The following IER5L variants were observed in gnomAD, a reference collection of about 807,000 sequenced individuals.
The protein encoded by IER5L is immediate early response 5 like.
A neutral mutation model predicts 28.3 loss-of-function variants in IER5L; 6 were observed. The ratio of observed to expected loss-of-function variants is 0.21; its 90% confidence interval spans 0.12 to 0.42. The LOEUF is 0.42. IER5L is among the 10% of genes least tolerant of loss of function. The pLI, the probability that IER5L is intolerant of heterozygous loss-of-function variation, is 1.00. For missense variants in IER5L, 607 were observed against 575.2 expected (o/e 1.06, Z -0.56); for synonymous variants, 351 against 282.5 (o/e 1.24, Z -2.43).
chr9:129,176,818 C>T lies in IER5L; in HGVS notation c.*20G>A. 6.5e-7 allele frequency: 1 copy of T among 1,545,800 alleles called. No individual in the cohort carries two copies. The highest frequency in any genetic ancestry group is 8.7e-7 in the Non-Finnish European group (1 of 1,150,794). ...GCCCCAGCCCCGCGGGGCCCCGGGT[C>T]CCTGTGCCCTCGGGGGTCCCTAGAA... On this transcript the variant is annotated 3_prime_UTR_variant, in exon 1 of 1. Transcript: ENST00000372491.
At position 129,177,153 on chromosome 9, in the gene IER5L, G is replaced by T; in HGVS notation, c.900C>A (p.Cys300Ter). 1 of 1,467,422 alleles carries T rather than the reference G, an allele frequency of 6.8e-7. No homozygotes were observed. 90.9% of individuals were successfully genotyped at this position (1,467,422 alleles called of 1,614,324 possible). A position where few individuals can be genotyped will look rare whatever the true frequency, so the allele number is the denominator to read the frequency against. Reference protein sequence around the residue: ...PGPGLASAAGCKRKYYPGQEE... With the variant: ...PGPGLASAAG Reference sequence around the variant, plus strand: ...CCTGGCCAGGGTAATACTTGCGCTTGCAGCCGGCGGCGGACGCCAGGCCCG... The same window carrying T: ...CCTGGCCAGGGTAATACTTGCGCTTTCAGCCGGCGGCGGACGCCAGGCCCG... The change falls in exon 1 of 1, where the codon TGC becomes TGA. Residue 300 changes from cysteine (C) to a stop codon, truncating the protein, a stop_gained. Coordinates refer to ENST00000372491, the MANE Select transcript of IER5L (RefSeq NM_203434.3). LOFTEE classifies it high-confidence loss of function.
At position 129,177,207 on chromosome 9, in the gene IER5L, G is replaced by A. The variant is rs756047188; in HGVS notation, c.846C>T (p.Cys282=). The change falls in exon 1 of 1, where the codon TGC becomes TGT. Residue 282 remains cysteine, a synonymous_variant. Coordinates refer to ENST00000372491, the MANE Select transcript of IER5L (RefSeq NM_203434.3). ...CCGGAGCGCCCTGGCCACAGCAGGG[G>A]CAGTGGGCGGAGGCGCAGCAGTCCT... ...LHQDCCASAH[C]PCCGQGAPGP... 8.1e-6 allele frequency: 12 copies of A among 1,475,102 alleles called. No individual in the cohort carries two copies. The highest frequency in any genetic ancestry group is 8.0e-6 in the Non-Finnish European group (9 of 1,120,900). The allele number at this position is 1,475,102 out of a possible 1,614,324, so 91.4% of individuals were successfully genotyped here. A position where few individuals can be genotyped will look rare whatever the true frequency, so the allele number is the denominator to read the frequency against.
chr9:129,177,603 C>T lies in IER5L; in HGVS notation c.450G>A (p.Ala150=), dbSNP rs2131662916. The change falls in exon 1 of 1, where the codon GCG becomes GCA. Residue 150 remains alanine, a synonymous_variant. Coordinates refer to ENST00000372491, the MANE Select transcript of IER5L (RefSeq NM_203434.3). ...AAAAGAPAGG[A]GALSELPGCA... The stretch of plus-strand genomic sequence containing the variant: ...ACCCGGGCAGCTCCGAGAGCGCCCC[C>T]GCGCCGCCCGCGGGCGCTCCGGCCG... 4 of 1,031,554 alleles carry T rather than the reference C, an allele frequency of 3.9e-6. No homozygotes were observed. Among genetic ancestry groups the T allele is most frequent in the Non-Finnish European group, 4.6e-6 (4 of 867,400 alleles). The allele number at this position is 1,031,554 out of a possible 1,614,324, so 63.9% of individuals were successfully genotyped here.
Position 129,177,500 on chromosome 9 carries a change from G to T in IER5L, c.553C>A (p.Leu185Met). The T allele has an allele frequency of 1.0e-6, 1 of 989,466 alleles. No homozygotes were observed. Among genetic ancestry groups the T allele is most frequent in the Non-Finnish European group, 1.2e-6 (1 of 834,862 alleles). 61.3% of individuals were successfully genotyped at this position (989,466 alleles called of 1,614,324 possible). A position where few individuals can be genotyped will look rare whatever the true frequency, so the allele number is the denominator to read the frequency against. The change falls in exon 1 of 1, where the codon CTG becomes ATG. Residue 185 changes from leucine to methionine, a missense_variant. Physicochemically the swap from Leu to Met is conservative, Grantham distance 15. Transcript: ENST00000372491. The stretch of plus-strand genomic sequence containing the variant: ...GCGGGCGGCGGCAGCGGCAGCGGCA[G>T]CGGCGCAGGACCCGGCTGCAGAGGC... Reference protein sequence around the residue: ...LEPLQPGPAPLPLPLPPPAPA... With the variant: ...LEPLQPGPAPMPLPLPPPAPA...
rs1177971024 is a variant in IER5L at position 129,177,660 on chromosome 9, G to A, written c.393C>T (p.His131=). Residue 131 remains histidine, a synonymous_variant, in exon 1 of 1, where the codon CAC becomes CAT. Coordinates refer to ENST00000372491, the MANE Select transcript of IER5L (RefSeq NM_203434.3). ...HLQQQLHQHQ[H]PAPRGCAAAA... ...CCGCCGCGCAGCCCCTGGGCGCCGG[G>A]TGCTGGTGCTGGTGCAGCTGCTGCT... The A allele has an allele frequency of 8.2e-6, 11 of 1,348,790 alleles. No individual in the cohort carries two copies. The highest frequency in any genetic ancestry group is 3.3e-5 in the East Asian group (1 of 29,874). 83.6% of individuals were successfully genotyped at this position (1,348,790 alleles called of 1,614,324 possible). A position where few individuals can be genotyped will look rare whatever the true frequency, so the allele number is the denominator to read the frequency against.
rs1829444498 is a variant in IER5L at position 129,178,163 on chromosome 9, C to T, written c.-111G>A. ...GCGCGCCGGGCAGGGGTAACGGAGT[C>T]CGGGTCAGAGGTTCGGCTGCGCTCC... is the stretch of plus-strand genomic sequence containing the variant. On this transcript the variant is annotated 5_prime_UTR_variant, in exon 1 of 1. Transcript: ENST00000372491. The T allele has an allele frequency of 2.1e-6, 2 of 954,856 alleles. No individual in the cohort carries two copies. Among genetic ancestry groups the T allele is most frequent in the Admixed American group, 4.2e-5 (1 of 23,852 alleles). 59.1% of individuals were successfully genotyped at this position (954,856 alleles called of 1,614,324 possible). A position where few individuals can be genotyped will look rare whatever the true frequency, so the allele number is the denominator to read the frequency against.
chr9:129,177,225 G>A lies in IER5L; in HGVS notation c.828C>T (p.Cys276=), dbSNP rs758427812. 4.4e-5 allele frequency: 64 copies of A among 1,471,104 alleles called. No individual in the cohort carries two copies. The highest frequency in any genetic ancestry group is 5.5e-5 in the Non-Finnish European group (62 of 1,120,712). The allele number at this position is 1,471,104 out of a possible 1,614,324, so 91.1% of individuals were successfully genotyped here. ...TVENGYLHQD[C]CASAHCPCCG... ...AGCAGGGGCAGTGGGCGGAGGCGCA[G>A]CAGTCCTGGTGCAAGTAGCCGTTCT... Residue 276 remains cysteine, a synonymous_variant, in exon 1 of 1, where the codon TGC becomes TGT. Transcript: ENST00000372491.
At position 129,176,964 on chromosome 9, in the gene IER5L, G is replaced by C; in HGVS notation, c.1089C>G (p.Gly363=). 1 of 1,604,042 alleles carries C rather than the reference G, an allele frequency of 6.2e-7. No individual in the cohort carries two copies. The highest frequency in any genetic ancestry group is 8.5e-7 in the Non-Finnish European group (1 of 1,176,566). ...ISNLISIFGS[G]FSGLVSRQPD... is the part of the protein sequence containing the mutation. ...GCTGTCGGCTCACCAGCCCCGAGAAGCCGGAGCCAAAGATGGAGATCAAGT... is the reference window on the plus strand; with the variant it reads ...GCTGTCGGCTCACCAGCCCCGAGAACCCGGAGCCAAAGATGGAGATCAAGT... Residue 363 remains glycine, a synonymous_variant, in exon 1 of 1, where the codon GGC becomes GGG. Transcript: ENST00000372491.
Position 129,177,838 on chromosome 9 carries a change from T to G in IER5L, c.215A>C (p.His72Pro). The change falls in exon 1 of 1, where the codon CAC becomes CCC. Residue 72 changes from histidine to proline, a missense_variant. Transcript: ENST00000372491. ...QQQQQPPHHQ[H>P]QHLAYAAPGM... ...CGGCGCCGCGTACGCTAGGTGCTGG[T>G]GCTGGTGGTGGGGCGGCTGCTGCTG... 2.0e-6 allele frequency: 3 copies of G among 1,537,216 alleles called. No individual in the cohort carries two copies. The highest frequency in any genetic ancestry group is 2.6e-6 in the Non-Finnish European group (3 of 1,143,042).
Position 129,177,281 on chromosome 9 carries a change from C to T in IER5L, c.772G>A (p.Asp258Asn). The T allele has an allele frequency of 6.8e-7, 1 of 1,468,914 alleles. No individual in the cohort carries two copies. Among genetic ancestry groups the T allele is most frequent in the Non-Finnish European group, 8.9e-7 (1 of 1,120,326 alleles). The allele number at this position is 1,468,914 out of a possible 1,614,324, so 91.0% of individuals were successfully genotyped here. A position where few individuals can be genotyped will look rare whatever the true frequency, so the allele number is the denominator to read the frequency against. The change falls in exon 1 of 1, where the codon GAC becomes AAC. Residue 258 changes from aspartate (D) to asparagine (N), a missense_variant. Coordinates refer to ENST00000372491, the MANE Select transcript of IER5L (RefSeq NM_203434.3). ...GTGGTCACCACGTGAGTGTCTAGGT[C>T]CAGCACGGTGGTCTGGCTGCTGCAG... is the stretch of plus-strand genomic sequence containing the variant. ...LHCSSQTTVL[D>N]LDTHVVTTVE...
chr9:129,177,920 G>C lies in IER5L; in HGVS notation c.133C>G (p.Gln45Glu), dbSNP rs2094121745. ...GCGTAGCGCTCGCTCAGGTAGAGCT[G>C]GCGCGCGTTGCGGAGCACGTAGGAC... is the stretch of plus-strand genomic sequence containing the variant. ...LVSYVLRNAR[Q>E]LYLSERYAEL... Residue 45 changes from glutamine (Q) to glutamate (E), a missense_variant, in exon 1 of 1, where the codon CAG becomes GAG. Transcript: ENST00000372491. The C allele has an allele frequency of 1.3e-6, 2 of 1,565,136 alleles. No individual in the cohort carries two copies. The highest frequency in any genetic ancestry group is 1.7e-6 in the Non-Finnish European group (2 of 1,156,526).
In IER5L at chr9:129,178,070, G is replaced by C. The variant is rs1000489864; in HGVS notation, c.-18C>G. 2.1e-6 allele frequency: 3 copies of C among 1,396,518 alleles called. No individual in the cohort carries two copies. The African/African-American group carries it at 4.5e-5, about 21-fold the overall frequency. 86.5% of individuals were successfully genotyped at this position (1,396,518 alleles called of 1,614,324 possible). A position where few individuals can be genotyped will look rare whatever the true frequency, so the allele number is the denominator to read the frequency against. ...CACTCCATGCTCCCGCGGAGACGGC[G>C]GCGGAGCAGCCGCCGCCGCTGCTGC... On this transcript the variant is annotated 5_prime_UTR_variant, in exon 1 of 1. Transcript: ENST00000372491.
At position 129,177,416 on chromosome 9, in the gene IER5L, C is replaced by G. The variant is rs1039807336; in HGVS notation, c.637G>C (p.Gly213Arg). 1.4e-5 allele frequency: 17 copies of G among 1,225,844 alleles called. No homozygotes were observed. The highest frequency in any genetic ancestry group is 1.7e-5 in the Non-Finnish European group (17 of 984,862). 75.9% of individuals were successfully genotyped at this position (1,225,844 alleles called of 1,614,324 possible). The stretch of plus-strand genomic sequence containing the variant: ...GCGGCGGCGGCCGGAGGGGCGGCCC[C>G]TGGGGGCGCGGAGCAGGCGGCCGGG... ...RAPAACSAPP[G>R]AAPPAAAASP... The change falls in exon 1 of 1, where the codon GGG becomes CGG. Residue 213 changes from glycine to arginine, a missense_variant. By Grantham distance (125) the Gly-to-Arg change is moderately radical (BLOSUM62 -2). Coordinates refer to ENST00000372491, the MANE Select transcript of IER5L (RefSeq NM_203434.3).
chr9:129,177,589 T>A lies in IER5L; in HGVS notation c.464A>T (p.Glu155Val). Reference sequence around the variant, plus strand: ...CTGGAGCGCGGCGCACCCGGGCAGCTCCGAGAGCGCCCCCGCGCCGCCCGC... The same window carrying A: ...CTGGAGCGCGGCGCACCCGGGCAGCACCGAGAGCGCCCCCGCGCCGCCCGC... ...APAGGAGALS[E>V]LPGCAALQPP... The change falls in exon 1 of 1, where the codon GAG (glutamate) becomes GTG (valine). Residue 155 changes from glutamate (E) to valine (V), a missense_variant. Transcript: ENST00000372491. The A allele has an allele frequency of 1.0e-6, 1 of 993,250 alleles. No homozygotes were observed. The highest frequency in any genetic ancestry group is 1.2e-6 in the Non-Finnish European group (1 of 841,166). The allele number at this position is 993,250 out of a possible 1,614,324, so 61.5% of individuals were successfully genotyped here.
rs766687104 is a variant in IER5L, at chr9:129,177,113, C to G, written c.940G>C (p.Asp314His). 19 of 1,459,782 alleles carry G rather than the reference C, an allele frequency of 1.3e-5. No homozygotes were observed. In the Admixed American group the frequency reaches 4.8e-4, roughly 37 times the overall value. The allele number at this position is 1,459,782 out of a possible 1,614,324, so 90.4% of individuals were successfully genotyped here. Residue 314 changes from aspartate to histidine, a missense_variant, in exon 1 of 1, where the codon GAC (aspartate) becomes CAC (histidine). By Grantham distance (81) the Asp-to-His change is moderately conservative. Coordinates refer to ENST00000372491, the MANE Select transcript of IER5L (RefSeq NM_203434.3). ...YYPGQEEEED[D>H]EEDAGGLGAE... ...CCCAGCCCGCCCGCATCCTCCTCGT[C>G]GTCTTCCTCCTCCTCCTGGCCAGGG...
chr9:129,177,569 G>T lies in IER5L; in HGVS notation c.484C>A (p.Leu162Ile). 1 of 982,258 alleles carries T rather than the reference G, an allele frequency of 1.0e-6. No individual in the cohort carries two copies. The highest frequency in any genetic ancestry group is 1.2e-6 in the Non-Finnish European group (1 of 829,222). 60.8% of individuals were successfully genotyped at this position (982,258 alleles called of 1,614,324 possible). The part of the protein sequence containing the change: ...ALSELPGCAA[L>I]QPPHGAPHRG... ...TGGGGCGCGCCGTGCGGCGGCTGGA[G>T]CGCGGCGCACCCGGGCAGCTCCGAG... The change falls in exon 1 of 1, where the codon CTC becomes ATC. Residue 162 changes from leucine to isoleucine, a missense_variant. By Grantham distance (5) the Leu-to-Ile change is conservative. Transcript: ENST00000372491.
rs1410180032 is a variant in IER5L at position 129,177,741 on chromosome 9, C to G, written c.312G>C (p.Glu104Asp). The G allele has an allele frequency of 1.2e-5, 17 of 1,448,224 alleles. No homozygotes were observed. Among genetic ancestry groups the G allele is most frequent in the Admixed American group, 2.6e-5 (1 of 38,250 alleles). 89.7% of individuals were successfully genotyped at this position (1,448,224 alleles called of 1,614,324 possible). Reference protein sequence around the residue: ...LGGGGDAEAREPAARHQLHQL... With the variant: ...LGGGGDAEARDPAARHQLHQL... ...GGTGCAGCTGGTGCCGGGCGGCCGGCTCGCGCGCCTCCGCGTCCCCGCCGC... is the reference window on the plus strand; with the variant it reads ...GGTGCAGCTGGTGCCGGGCGGCCGGGTCGCGCGCCTCCGCGTCCCCGCCGC... Residue 104 changes from glutamate (E) to aspartate (D), a missense_variant, in exon 1 of 1, where the codon GAG (glutamate) becomes GAC (aspartate). Glu to Asp is a conservative substitution (Grantham distance 45, BLOSUM62 2). Coordinates refer to ENST00000372491, the MANE Select transcript of IER5L (RefSeq NM_203434.3).
In IER5L at chr9:129,177,907, C is replaced by T; in HGVS notation, c.146G>A (p.Ser49Asn). Reference sequence around the variant, plus strand: ...CCGGTAGAGCTCGGCGTAGCGCTCGCTCAGGTAGAGCTGGCGCGCGTTGCG... The same window carrying T: ...CCGGTAGAGCTCGGCGTAGCGCTCGTTCAGGTAGAGCTGGCGCGCGTTGCG... ...VLRNARQLYL[S>N]ERYAELYRRQ... The change falls in exon 1 of 1, where the codon AGC (serine) becomes AAC (asparagine). Residue 49 changes from serine to asparagine, a missense_variant. Coordinates refer to ENST00000372491, the MANE Select transcript of IER5L (RefSeq NM_203434.3). 1 of 1,557,502 alleles carries T rather than the reference C, an allele frequency of 6.4e-7. No homozygotes were observed. The highest frequency in any genetic ancestry group is 8.7e-7 in the Non-Finnish European group (1 of 1,152,190).
rs1829392112 is a variant in IER5L at position 129,176,147 on chromosome 9, A to G, written c.*691T>C. 1 of 150,064 alleles carries G rather than the reference A, an allele frequency of 6.7e-6. No homozygotes were observed. Among genetic ancestry groups the G allele is most frequent in the African/African-American group, 2.5e-5 (1 of 40,674 alleles). The allele number at this position is 150,064 out of a possible 1,614,324, so 9.3% of individuals were successfully genotyped here. A position where few individuals can be genotyped will look rare whatever the true frequency, so the allele number is the denominator to read the frequency against. On this transcript the variant is annotated 3_prime_UTR_variant, in exon 1 of 1. Coordinates refer to ENST00000372491, the MANE Select transcript of IER5L (RefSeq NM_203434.3). ...CGGGAGACGGGTGGAGGAGGGGAGGAGAACGGAGCCAGAGGGGCGGGGAGA... is the reference window on the plus strand; with the variant it reads ...CGGGAGACGGGTGGAGGAGGGGAGGGGAACGGAGCCAGAGGGGCGGGGAGA...
Sources: gnomAD v4.1 joint callset for allele counts on GRCh38, gnomAD v4.1.1 for gene constraint, MANE v1.5 for transcripts, NCBI Gene and HGNC (gene_info 2026-07-23, HGNC 2026-07-21) for gene names.